The following ADAMTSL1 variants were observed in gnomAD, a reference collection of about 807,000 sequenced individuals.
ADAMTSL1 encodes the protein ADAMTS like 1, also known as ADAMTS-like protein 1.
ADAMTSL1 carries 126 observed loss-of-function variants against 201.8 expected under a neutral mutation model. That is an observed-to-expected ratio of 0.62 (90% confidence interval 0.54 to 0.72). ADAMTSL1 has a LOEUF of 0.72. ADAMTSL1 is among the 30% of genes least tolerant of loss of function. The probability of loss-of-function intolerance (pLI) is 0.00; values close to 1 mark genes in which losing one functional copy is unlikely to be tolerated. For synonymous variants in ADAMTSL1, 1,121 were observed against 903.4 expected (o/e 1.24, Z -4.32); for missense variants, 2,679 against 2,277.8 (o/e 1.18, Z -3.59).
chr9:18,492,402 T>A lies in ADAMTSL1; in HGVS notation c.64-12427T>A, dbSNP rs748405109. On this transcript the variant is annotated intron_variant, in intron 1 of 28. Transcript: ENST00000380548. The stretch of plus-strand genomic sequence containing the variant: ...TATTAATAAAAAGTACAGAGTATAA[T>A]TTAGCATTTCTTTTATTATTCAGAA... 9.3e-4 allele frequency among the ~76,000 whole-genome samples: 142 copies of A among 152,310 alleles called. 2 individuals are homozygous for A. The highest frequency in any genetic ancestry group is 3.4e-3 in the Middle Eastern group (1 of 294).
chr9:17,936,542 C>G (rs1347706411), intron 1 of ADAMTSL1, among the ~76,000 whole-genome samples: 1 of 152,158 alleles, frequency 6.6e-6, no homozygotes, highest in Non-Finnish European at 1.5e-5. Flanking sequence ...TCTCTGAGGT[C>G]CTTTCCAGCT....
At chr9:18,265,120 C>T (rs1314675832) in intron 2 of ADAMTSL1, among the ~76,000 whole-genome samples, 1 of 152,154 alleles carries the variant, frequency 6.6e-6, no homozygotes, top group Non-Finnish European at 1.5e-5. Context: ...ACAAAAGGCA[C>T]TTTAAATTCT....
chr9:18,094,146 G>T (rs1458559556), intron 1 of ADAMTSL1, among the ~76,000 whole-genome samples: 3 of 152,082 alleles, frequency 2.0e-5, no homozygotes, highest in African/African-American at 4.8e-5. Flanking sequence ...ACCATTATTG[G>T]TTGCCTGTTA....
intron 2 of ADAMTSL1, among the ~76,000 whole-genome samples, chr9:18,528,185 T>C (rs1356088012): frequency 6.6e-6 from 1 of 152,096 alleles, no homozygotes; most frequent in Non-Finnish European, 1.5e-5. Context: ...GCCCATTTTT[T>C]TATTTTTATT....
chr9:18,717,509 A>G (rs79077372), intron 14 of ADAMTSL1, among the ~76,000 whole-genome samples: 3,273 of 152,226 alleles, frequency 0.022, 35 homozygotes, highest in Middle Eastern at 0.041. Context: ...AAAAATTACA[A>G]TAAGCTACAA....
At chr9:18,497,513 A>T (rs1347769774) in intron 1 of ADAMTSL1, among the ~76,000 whole-genome samples, 1 of 152,202 alleles carries the variant, frequency 6.6e-6, no homozygotes, top group Non-Finnish European at 1.5e-5. Flanking sequence ...AAATTAAAGG[A>T]GTTTGAAATC....
At chr9:18,351,518 A>G (rs1029693232) in intron 2 of ADAMTSL1, among the ~76,000 whole-genome samples, 1 of 152,002 alleles carries the variant, frequency 6.6e-6, no homozygotes, top group Admixed American at 6.6e-5. Context: ...AATAATGCCT[A>G]TTTCCCAAGG....
rs1258305442 is a variant in ADAMTSL1, at chr9:18,775,848, C to G, written c.2503C>G (p.Leu835Val). Residue 835 changes from leucine to valine, a missense_variant, in exon 18 of 29, where the codon CTG (leucine) becomes GTG (valine). Leu to Val is a conservative substitution (Grantham distance 32). Coordinates refer to ENST00000380548, the MANE Select transcript of ADAMTSL1 (RefSeq NM_001040272.6). ...TGTCAATTCCACCCTGTGCCCGCCC[C>G]TGCCTTTCTCTTCCTCCATCAGGCC... ...TVVNSTLCPPLPFSSSIRPCM... is the reference protein window; with the variant it reads ...TVVNSTLCPPVPFSSSIRPCM... 2 of 1,604,836 alleles carry G rather than the reference C, an allele frequency of 1.2e-6. No homozygotes were observed. The highest frequency in any genetic ancestry group is 1.1e-5 in the South Asian group (1 of 89,008).
At position 17,974,427 on chromosome 9, in the gene ADAMTSL1, C is replaced by T. The variant is rs868608646; in HGVS notation, c.87+67505C>T. On this transcript the variant is annotated intron_variant, in intron 1 of 29. Transcript: ENST00000680146. ...ATTTTCTTAGTAATTTTCTGCAATA[C>T]GGTGTAAATGTAGTCACCATGCTGT... Among the ~76,000 whole-genome samples the T allele has an allele frequency of 3.3e-5, 5 of 151,996 alleles. No individual in the cohort carries two copies. The South Asian group carries it at 6.2e-4, about 19-fold the overall frequency.
chr9:18,460,643 A>G (rs1820774752), intron 2 of ADAMTSL1, among the ~76,000 whole-genome samples: 2 of 152,214 alleles, frequency 1.3e-5, no homozygotes, highest in Non-Finnish European at 2.9e-5. Flanking sequence ...ACACCAGGGT[A>G]CTATCGCTAC....
intron 2 of ADAMTSL1, among the ~76,000 whole-genome samples, chr9:18,188,490 A>G (rs551518837): frequency 1.1e-4 from 16 of 152,308 alleles, no homozygotes; most frequent in African/African-American, 3.8e-4. Flanking sequence ...GGTATACTCT[A>G]GAAGATGAAT....
intron 23 of ADAMTSL1, among the ~76,000 whole-genome samples, chr9:18,887,587 A>C (rs1185826891): frequency 1.3e-5 from 2 of 152,216 alleles, no homozygotes; most frequent in Non-Finnish European, 2.9e-5. Context: ...CATAAACAGA[A>C]AGAAACAGGT....
At chr9:18,474,556 G>A (rs1176075478) in intron 1 of ADAMTSL1, among the ~76,000 whole-genome samples, 1 of 152,116 alleles carries the variant, frequency 6.6e-6, no homozygotes, top group East Asian at 1.9e-4. Flanking sequence ...TGAACTTTGG[G>A]ACATACTGCA....
intron 7 of ADAMTSL1, chr9:18,651,363 A>C (rs1042003342): frequency 6.6e-6 from 1 of 152,078 alleles, no homozygotes; most frequent in Non-Finnish European, 1.5e-5. Flanking sequence ...AGAACCTCCA[A>C]CTCAGCTCTA....
intron 14 of ADAMTSL1, among the ~76,000 whole-genome samples, chr9:18,707,520 A>G (rs1340504064): frequency 6.6e-6 from 1 of 152,240 alleles, no homozygotes; most frequent in Non-Finnish European, 1.5e-5. Flanking sequence ...GGTAATTGAT[A>G]CAGTGGTTAC....
chr9:18,627,001 G>T, intron 5 of ADAMTSL1, among the ~76,000 whole-genome samples: 1 of 141,940 alleles, frequency 7.0e-6, no homozygotes. Context: ...ATTGAAACAG[G>T]GTCTCACTCT....
intron 2 of ADAMTSL1, among the ~76,000 whole-genome samples, chr9:18,220,639 C>A (rs546617353): frequency 1.3e-5 from 2 of 151,846 alleles, no homozygotes; most frequent in Admixed American, 6.6e-5. Context: ...TTATTTTTAC[C>A]GTCTTACTTG....
chr9:18,137,310 G>C (rs1826200222), intron 1 of ADAMTSL1, among the ~76,000 whole-genome samples: 1 of 152,102 alleles, frequency 6.6e-6, no homozygotes, highest in Non-Finnish European at 1.5e-5. Flanking sequence ...CTTTATTTTT[G>C]AAAGAATTAT....
At chr9:18,858,989 T>C (rs1563864671) in intron 23 of ADAMTSL1, among the ~76,000 whole-genome samples, 1 of 152,146 alleles carries the variant, frequency 6.6e-6, no homozygotes, top group Admixed American at 6.5e-5. Flanking sequence ...TGACAACAAA[T>C]TCGGTCTTAC....
Sources: gnomAD v4.1 joint callset for allele counts (sites outside exome capture counted in the v4.1 genomes callset) on GRCh38, gnomAD v4.1.1 for gene constraint, MANE v1.5 for transcripts, NCBI Gene and HGNC (gene_info 2026-07-23, HGNC 2026-07-21) for gene names.